TEX11: variants seen among roughly 807,000 people sequenced by gnomAD.
TEX11 encodes testis-expressed protein 11.
TEX11 carries 7 observed loss-of-function variants against 84.4 expected under a neutral mutation model. The observed-to-expected ratio is 0.08, with a 90% CI of 0.05 to 0.16. TEX11 has a LOEUF of 0.16. Ranked by LOEUF, TEX11 falls within the 10% of genes least tolerant of loss-of-function variation. The pLI is 1.00. For synonymous variants in TEX11, 264 were observed against 222.8 expected (o/e 1.18, Z -1.64); for missense variants, 551 against 660.5 (o/e 0.83, Z 1.82).
intron 4 of TEX11, among the ~76,000 whole-genome samples, chrX:70,861,951 G>A (rs1050853924): frequency 2.7e-5 from 3 of 110,868 alleles, no homozygotes; most frequent in African/African-American, 6.5e-5. Context: ...AATAGTTTTC[G>A]ATTTCTCTCC....
At chrX:70,739,978 G>A (rs140339340) in intron 11 of TEX11, among the ~76,000 whole-genome samples, 60 of 111,719 alleles carry the variant, frequency 5.4e-4, no homozygotes, top group African/African-American at 2.0e-3. Flanking sequence ...TTTTAGGTAT[G>A]TGTGAACATG....
intron 13 of TEX11, among the ~76,000 whole-genome samples, chrX:70,702,540 G>A (rs1456611785): frequency 9.0e-6 from 1 of 111,503 alleles, no homozygotes; most frequent in Non-Finnish European, 1.9e-5. Context: ...CAGTGTTCTG[G>A]AACCAAATGC....
intron 13 of TEX11, among the ~76,000 whole-genome samples, chrX:70,713,989 G>A (rs1460892130): frequency 9.0e-6 from 1 of 111,648 alleles, no homozygotes; most frequent in Non-Finnish European, 1.9e-5. Flanking sequence ...CTGGTATGTT[G>A]TGTCTTTGTT....
At chrX:70,648,164 C>CA (rs1164329221) in intron 17 of TEX11, among the ~76,000 whole-genome samples, 1 of 110,841 alleles carries the variant, frequency 9.0e-6, no homozygotes, top group African/African-American at 3.3e-5. Flanking sequence ...ATAGTAAGGA[C>CA]AAAAAACCAA....
At chrX:70,598,584 A>G (rs1246059116) in intron 24 of TEX11, among the ~76,000 whole-genome samples, 1 of 112,425 alleles carries the variant, frequency 8.9e-6, no homozygotes, top group African/African-American at 3.2e-5. Context: ...TCACGGCATT[A>G]TTCACAAGAG....
intron 9 of TEX11, among the ~76,000 whole-genome samples, chrX:70,803,327 G>T (rs2091200144): frequency 9.0e-6 from 1 of 111,685 alleles, no homozygotes; most frequent in South Asian, 3.8e-4. Flanking sequence ...AATTACAGCA[G>T]CTTTCTCTTA....
chrX:70,543,884 T>C (rs1007641002), intron 28 of TEX11, among the ~76,000 whole-genome samples: 2 of 112,320 alleles, frequency 1.8e-5, no homozygotes, highest in Non-Finnish European at 3.8e-5. Context: ...CTAGGCGATA[T>C]GGTAAAGCCC....
intron 17 of TEX11, among the ~76,000 whole-genome samples, chrX:70,641,404 T>C (rs1914845093): frequency 9.0e-6 from 1 of 110,638 alleles, no homozygotes; most frequent in African/African-American, 3.3e-5. Context: ...AACTCAGCTC[T>C]GCACCAAGAG....
chrX:70,855,331 G>A (rs373349086), intron 5 of TEX11, among the ~76,000 whole-genome samples: 6 of 110,346 alleles, frequency 5.4e-5, no homozygotes, highest in Admixed American at 9.7e-5. Flanking sequence ...TTGGGAGGCC[G>A]AGGCGGGTGG....
rs2090624712 is a variant in TEX11 at position 70,729,279 on chromosome X, C to T, written c.844-3936G>A. Among the ~76,000 whole-genome samples, 3 of 112,563 alleles carry T rather than the reference C, an allele frequency of 2.7e-5. No individual in the cohort carries two copies. In the South Asian group the frequency reaches 1.1e-3, roughly 41 times the overall value. On this transcript the variant is annotated intron_variant, in intron 11 of 29. Transcript: ENST00000374333. ...CCTCTCCTCTTCCAAAGGAGCGCAGCTCCTTACCAGCAACAGAACAAAGCT... is the reference window on the plus strand; with the variant it reads ...CCTCTCCTCTTCCAAAGGAGCGCAGTTCCTTACCAGCAACAGAACAAAGCT...
chrX:70,511,275 C>T, the TEX11 span, among the ~76,000 whole-genome samples: 1 of 112,564 alleles, frequency 8.9e-6, no homozygotes, highest in South Asian at 3.6e-4. Flanking sequence ...ACAATTCAGC[C>T]TTTCTGTTAT....
At chrX:70,597,696 T>G (rs904116887) in intron 24 of TEX11, among the ~76,000 whole-genome samples, 5 of 111,807 alleles carry the variant, frequency 4.5e-5, no homozygotes, top group Admixed American at 1.9e-4. Flanking sequence ...TAAACCTTCA[T>G]GACTTTGGAT....
intron 13 of TEX11, among the ~76,000 whole-genome samples, chrX:70,695,808 C>A (rs1331441201): frequency 1.8e-5 from 2 of 111,764 alleles, no homozygotes; most frequent in African/African-American, 6.5e-5. Context: ...ATATACTATT[C>A]ATTTCCAGGT....
chrX:70,741,956 C>G (rs2090736294), intron 10 of TEX11, among the ~76,000 whole-genome samples: 1 of 111,710 alleles, frequency 9.0e-6, no homozygotes, highest in Non-Finnish European at 1.9e-5. Flanking sequence ...TTCTATTTTT[C>G]TTCATTGAAG....
intron 2 of TEX11, among the ~76,000 whole-genome samples, chrX:70,904,490 A>G (rs902577658): frequency 8.9e-6 from 1 of 112,568 alleles, no homozygotes; most frequent in Admixed American, 9.5e-5. Flanking sequence ...AAAAATGACA[A>G]CAGTCTTCAA....
At chrX:70,724,439 A>C (rs762326996) in intron 12 of TEX11, 1 of 112,871 alleles carries the variant, frequency 8.9e-6, no homozygotes, top group African/African-American at 3.2e-5. Flanking sequence ...ACTATAACAA[A>C]TTGTTATTAT....
intron 17 of TEX11, 109 bp from the exon 18 acceptor site, chrX:70,629,844 T>A: frequency 1.6e-6 from 1 of 638,166 alleles, no homozygotes; most frequent in Non-Finnish European, 2.3e-6. Context: ...AGAACATTTT[T>A]AAAATGTTAG....
chrX:70,620,828 C>T (rs774815599), intron 20 of TEX11, among the ~76,000 whole-genome samples: 5 of 111,525 alleles, frequency 4.5e-5, no homozygotes, highest in African/African-American at 6.5e-5. Flanking sequence ...GTGAAAGAAG[C>T]GAATGTGAAA....
At chrX:70,624,080 T>C in intron 19 of TEX11, 74 bp from the exon 20 acceptor site, 3 of 826,722 alleles carry the variant, frequency 3.6e-6, no homozygotes, top group Non-Finnish European at 5.2e-6. Flanking sequence ...CATACCAAGT[T>C]ACTAACCTTG....
Sources: gnomAD v4.1 joint callset for allele counts (sites outside exome capture counted in the v4.1 genomes callset) on GRCh38, gnomAD v4.1.1 for gene constraint, MANE v1.5 for transcripts, NCBI Gene and HGNC (gene_info 2026-07-23, HGNC 2026-07-21) for gene names.